The following SLC2A9 variants were observed in gnomAD, a reference collection of about 807,000 sequenced individuals.
The protein encoded by SLC2A9 is solute carrier family 2 member 9, also known as solute carrier family 2, facilitated glucose transporter member 9.
Under a neutral mutation model 50.6 loss-of-function variants are expected in SLC2A9, and 39 were observed. The observed-to-expected ratio is 0.77, with a 90% CI of 0.60 to 1.01. The LOEUF (loss-of-function observed/expected upper bound fraction) is 1.01. SLC2A9 is among the 50% of genes least tolerant of loss of function. The probability of loss-of-function intolerance (pLI) is 0.00; values close to 1 mark genes in which losing one functional copy is unlikely to be tolerated. For synonymous variants in SLC2A9, 324 were observed against 276.9 expected, an observed-to-expected ratio of 1.17 and a Z score of -1.69; for missense variants, 686 against 677.6, an observed-to-expected ratio of 1.01 and a Z score of -0.14.
At chr4:9,964,310 G>C (rs1752734772) in intron 5 of SLC2A9, among the ~76,000 whole-genome samples, 1 of 152,154 alleles carries the variant, frequency 6.6e-6, no homozygotes. Flanking sequence ...CTGGTCCTGG[G>C]AACACGTTTT....
intron 8 of SLC2A9, among the ~76,000 whole-genome samples, chr4:9,892,614 AATG>A: frequency 6.6e-6 from 1 of 152,342 alleles, no homozygotes; most frequent in East Asian, 1.9e-4. Context: ...GGAAAATGAG[AATG>A]ATAATACCAT....
chr4:9,860,146 C>A (rs753241904), intron 10 of SLC2A9, among the ~76,000 whole-genome samples: 3 of 152,196 alleles, frequency 2.0e-5, no homozygotes, highest in South Asian at 2.1e-4. Flanking sequence ...TAGTACCAGG[C>A]GTTCTCTGTG....
downstream of SLC2A9, among the ~76,000 whole-genome samples, chr4:9,777,684 C>G (rs529700462): frequency 6.6e-6 from 1 of 152,160 alleles, no homozygotes; most frequent in Admixed American, 6.5e-5. Flanking sequence ...TCACTGTGTT[C>G]GCTTGGGGAA....
chr4:9,833,253 GAGCCCCCAGC>G (rs1226835402), intron 11 of SLC2A9, among the ~76,000 whole-genome samples: 1 of 152,208 alleles, frequency 6.6e-6, no homozygotes, highest in African/African-American at 2.4e-5. Flanking sequence ...ATGGCTCATG[GAGCCCCCAGC>G]AGCCCTTACG....
intron 7 of SLC2A9, among the ~76,000 whole-genome samples, chr4:9,913,909 C>A (rs565703366): frequency 2.0e-5 from 3 of 152,372 alleles, no homozygotes; most frequent in African/African-American, 2.4e-5. Flanking sequence ...CTGTCTCCCC[C>A]TCTCTAACCT....
chr4:9,910,085 G>C (rs1741435596), intron 7 of SLC2A9, among the ~76,000 whole-genome samples: 1 of 152,184 alleles, frequency 6.6e-6, no homozygotes, highest in South Asian at 2.1e-4. Flanking sequence ...ATAAAGTTAT[G>C]GGCATACCAA....
rs911052354 is a variant in SLC2A9 at position 9,829,333 on chromosome 4, C to T, written c.1420-2733G>A. On this transcript the variant is annotated intron_variant, in intron 11 of 11. Transcript: ENST00000264784. ...GTAAAGATTAAAACTGGACCCCCTC[C>T]TTACACCTTATACAAAAATTAACTC... is the stretch of plus-strand genomic sequence containing the variant. 6.6e-5 allele frequency among the ~76,000 whole-genome samples: 10 copies of T among 152,168 alleles called. No individual in the cohort carries two copies. The East Asian group carries it at 1.9e-3, about 29-fold the overall frequency.
intron 2 of SLC2A9, among the ~76,000 whole-genome samples, chr4:10,004,512 C>A (rs1404814369): frequency 1.3e-5 from 2 of 152,174 alleles, no homozygotes; most frequent in Non-Finnish European, 2.9e-5. Context: ...GAGGATCTAG[C>A]AGAGGACTCC....
intron 5 of SLC2A9, among the ~76,000 whole-genome samples, chr4:9,979,087 G>GA: frequency 6.6e-6 from 1 of 152,254 alleles, no homozygotes; most frequent in Non-Finnish European, 1.5e-5. Context: ...CACATTCCCA[G>GA]AAACACCAGT....
intron 8 of SLC2A9, among the ~76,000 whole-genome samples, chr4:9,897,966 G>T (rs1184869768): frequency 6.6e-6 from 1 of 152,142 alleles, no homozygotes; most frequent in South Asian, 2.1e-4. Context: ...CAGGGGTTGG[G>T]ATGATGCTTC....
intron 6 of SLC2A9, among the ~76,000 whole-genome samples, chr4:9,928,019 T>A (rs1050190520): frequency 1.3e-5 from 2 of 152,172 alleles, no homozygotes; most frequent in Non-Finnish European, 2.9e-5. Context: ...TGTATGTAGT[T>A]CCAACTAATC....
chr4:9,969,905 C>T (rs1334390650), intron 5 of SLC2A9, among the ~76,000 whole-genome samples: 1 of 152,166 alleles, frequency 6.6e-6, no homozygotes, highest in Admixed American at 6.5e-5. Context: ...GAGATGAAGC[C>T]AAACCATATC....
intron 10 of SLC2A9, among the ~76,000 whole-genome samples, chr4:9,857,251 T>C (rs1452644958): frequency 6.6e-6 from 1 of 152,184 alleles, no homozygotes; most frequent in Non-Finnish European, 1.5e-5. Flanking sequence ...ACCCTCAGTC[T>C]AGGTCTTGGT....
chr4:9,917,055 G>A (rs935881256), intron 7 of SLC2A9, among the ~76,000 whole-genome samples: 3 of 152,324 alleles, frequency 2.0e-5, no homozygotes, highest in East Asian at 1.9e-4. Flanking sequence ...CAATGGGGAC[G>A]GGGATGGGCC....
downstream of SLC2A9, among the ~76,000 whole-genome samples, chr4:9,825,263 C>T (rs1474799950): frequency 6.6e-6 from 1 of 152,212 alleles, no homozygotes; most frequent in Non-Finnish European, 1.5e-5. Context: ...CTTACTCAAA[C>T]AACTTTAGCA....
At chr4:9,857,369 C>A (rs1730897197) in intron 10 of SLC2A9, among the ~76,000 whole-genome samples, 1 of 152,172 alleles carries the variant, frequency 6.6e-6, no homozygotes, top group African/African-American at 2.4e-5. Context: ...CCGGAAGGAG[C>A]CACAGTCCCT....
intron 10 of SLC2A9, among the ~76,000 whole-genome samples, chr4:9,861,660 A>G (rs754750784): frequency 6.6e-6 from 1 of 151,982 alleles, no homozygotes; most frequent in Non-Finnish European, 1.5e-5. Flanking sequence ...TGGGGCCTCT[A>G]TACCAATAGT....
chr4:10,029,507 C>A (rs1187747835), intron 1 of SLC2A9, among the ~76,000 whole-genome samples: 1 of 151,770 alleles, frequency 6.6e-6, no homozygotes, highest in African/African-American at 2.4e-5. Context: ...TGTATAAAAT[C>A]CCAAAGCCAG....
intron 5 of SLC2A9, among the ~76,000 whole-genome samples, chr4:9,946,237 AT>A (rs67004305): frequency 0.56 from 85,437 of 151,600 alleles, 25,349 homozygotes; most frequent in African/African-American, 0.76. Context: ...GGGCTTTGCA[AT>A]TATCTTGTTC....
Sources: gnomAD v4.1 joint callset for allele counts (sites outside exome capture counted in the v4.1 genomes callset) on GRCh38, gnomAD v4.1.1 for gene constraint, MANE v1.5 for transcripts, NCBI Gene and HGNC (gene_info 2026-07-23, HGNC 2026-07-21) for gene names.